The following COPS3 variants were observed in gnomAD, a reference collection of about 807,000 sequenced individuals.
COPS3 encodes COP9 signalosome complex subunit 3.
Under a neutral mutation model 58.2 loss-of-function variants are expected in COPS3, and 10 were observed. That is an observed-to-expected ratio of 0.17 (90% CI 0.11 to 0.29). The LOEUF is 0.29. Among genes scored for constraint, COPS3 ranks in the 10% least tolerant of loss-of-function variants. The pLI, the probability that COPS3 is intolerant of heterozygous loss-of-function variation, is 1.00. For missense variants in COPS3, 333 were observed against 510.1 expected (o/e 0.65, Z 3.34); for synonymous variants, 187 against 181.7 (o/e 1.03, Z -0.24).
At chr17:17,280,465 C>T (rs1193624643) in intron 1 of COPS3, 8 of 899,472 alleles carry the variant, frequency 8.9e-6, no homozygotes, top group Middle Eastern at 5.2e-4. Flanking sequence ...GAGGCTGAGA[C>T]AGGAGAATCG....
intron 1 of COPS3, 55 bp from the exon 2 acceptor site, chr17:17,276,219 TG>T (rs2048458535): frequency 6.2e-7 from 1 of 1,603,204 alleles, no homozygotes; most frequent in African/African-American, 1.3e-5. Flanking sequence ...ACCAAACTGA[TG>T]GAACTCTAAC....
At chr17:17,259,730 C>CA (rs2048051645) in intron 8 of COPS3, among the ~76,000 whole-genome samples, 1 of 151,914 alleles carries the variant, frequency 6.6e-6, no homozygotes. Context: ...CTTGTCTATA[C>CA]AAAAAATACA....
chr17:17,253,964 C>G (rs2047905003), intron 9 of COPS3, among the ~76,000 whole-genome samples: 1 of 151,962 alleles, frequency 6.6e-6, no homozygotes, highest in South Asian at 2.1e-4. Context: ...GCACTCCAGC[C>G]TGGGCAACAA....
chr17:17,268,372 T>C (rs2048273196), intron 4 of COPS3, among the ~76,000 whole-genome samples: 1 of 152,178 alleles, frequency 6.6e-6, no homozygotes, highest in Non-Finnish European at 1.5e-5. Flanking sequence ...GGTGTTGGCA[T>C]TTTCCCATAG....
chr17:17,280,574 G>A, intron 1 of COPS3: 1 of 1,286,226 alleles, frequency 7.8e-7, no homozygotes, highest in Non-Finnish European at 1.0e-6. Flanking sequence ...GGAGTCCTAC[G>A]AGCGAGAGCT....
intron 9 of COPS3, among the ~76,000 whole-genome samples, chr17:17,250,984 TCTAA>T (rs1314784576): frequency 2.6e-4 from 39 of 152,120 alleles, no homozygotes; most frequent in African/African-American, 9.2e-4. Flanking sequence ...AACCCCAATG[TCTAA>T]CTATTTATTT....
At chr17:17,263,534 A>G (rs1482868631) in intron 6 of COPS3, among the ~76,000 whole-genome samples, 2 of 81,988 alleles carry the variant, frequency 2.4e-5, no homozygotes, top group East Asian at 8.8e-4. Flanking sequence ...TTTTTTTGAG[A>G]TGGAGTTTTG....
chr17:17,253,053 C>A (rs1265871677), intron 9 of COPS3, among the ~76,000 whole-genome samples: 1 of 152,092 alleles, frequency 6.6e-6, no homozygotes, highest in African/African-American at 2.4e-5. Context: ...TAAAGAGACC[C>A]TGCCTGTACA....
At chr17:17,276,379 C>A (rs374209178) in intron 1 of COPS3, among the ~76,000 whole-genome samples, 3 of 152,306 alleles carry the variant, frequency 2.0e-5, no homozygotes, top group East Asian at 3.9e-4. Context: ...TCCCACTTCT[C>A]TCTGACCCTG....
At chr17:17,262,629 C>T (rs998861346) in intron 6 of COPS3, among the ~76,000 whole-genome samples, 15 of 151,876 alleles carry the variant, frequency 9.9e-5, no homozygotes, top group Non-Finnish European at 1.5e-4. Context: ...ACTTGGGAGG[C>T]TGAGGCAGGA....
At chr17:17,255,839 AAAATAAATAAATAAATAAAT>A (rs144619560) in intron 8 of COPS3, among the ~76,000 whole-genome samples, 21 of 127,428 alleles carry the variant, frequency 1.6e-4, no homozygotes, top group African/African-American at 6.3e-4. Flanking sequence ...ACTCCATCTC[AAAATAAATAAATAAATAAAT>A]AAATAAATAA....
At chr17:17,262,329 T>G (rs916225669) in intron 6 of COPS3, among the ~76,000 whole-genome samples, 13 of 152,216 alleles carry the variant, frequency 8.5e-5, no homozygotes, top group Non-Finnish European at 1.9e-4. Flanking sequence ...GATGTAATTA[T>G]GGCTCACTGT....
At chr17:17,270,156 CCA>C (rs1491459128) in intron 4 of COPS3, among the ~76,000 whole-genome samples, 2 of 146,598 alleles carry the variant, frequency 1.4e-5, no homozygotes, top group Non-Finnish European at 3.0e-5. Context: ...GACTCTGTCT[CCA>C]AAAAAAAAAA....
At chr17:17,270,326 A>G (rs1349643249) in intron 4 of COPS3, among the ~76,000 whole-genome samples, 1 of 150,200 alleles carries the variant, frequency 6.7e-6, no homozygotes, top group Non-Finnish European at 1.5e-5. Context: ...AGAGGAAGAG[A>G]AAAAAAAAAG....
Position 17,248,991 on chromosome 17 carries a change from C to T in COPS3, c.1072G>A (p.Val358Ile). The stretch of plus-strand genomic sequence containing the variant: ...TTTTCAGGGTTATCATGGAAACTGA[C>T]CATACCGTCCTTCTGGTTAATACTT... ...FASINQKDGM[V>I]SFHDNPEKYN... is the part of the protein sequence containing the mutation. Residue 358 changes from valine (V) to isoleucine (I), a missense_variant, in exon 10 of 12, where the codon GTC becomes ATC. Physicochemically the swap from Val to Ile is conservative, Grantham distance 29. Transcript: ENST00000268717. 1.2e-6 allele frequency: 2 copies of T among 1,610,694 alleles called. No individual in the cohort carries two copies. The highest frequency in any genetic ancestry group is 1.7e-6 in the Non-Finnish European group (2 of 1,178,952).
intron 2 of COPS3, among the ~76,000 whole-genome samples, chr17:17,271,842 A>ATATCTATATC (rs1555620662): frequency 7.1e-6 from 1 of 140,456 alleles, no homozygotes; most frequent in African/African-American, 2.7e-5. Flanking sequence ...ATATATATCT[A>ATATCTATATC]TATATATATA....
chr17:17,253,956 A>G (rs1738617549), intron 9 of COPS3, among the ~76,000 whole-genome samples: 1 of 152,026 alleles, frequency 6.6e-6, no homozygotes, highest in South Asian at 2.1e-4. Flanking sequence ...ACACCACTGC[A>G]CTCCAGCCTG....
intron 1 of COPS3, among the ~76,000 whole-genome samples, chr17:17,277,779 G>A (rs1275017059): frequency 6.6e-6 from 1 of 152,152 alleles, no homozygotes; most frequent in East Asian, 1.9e-4. Flanking sequence ...GCCTCAGCCG[G>A]GTGCTGTGGC....
At chr17:17,272,768 G>A (rs1212810153) in intron 2 of COPS3, among the ~76,000 whole-genome samples, 2 of 152,144 alleles carry the variant, frequency 1.3e-5, no homozygotes, top group Non-Finnish European at 2.9e-5. Flanking sequence ...TGGGTGTAGT[G>A]GTACATGCCT....
Sources: allele counts gnomAD v4.1 joint callset (sites outside exome capture counted in the v4.1 genomes callset), GRCh38; gene constraint gnomAD v4.1.1; transcripts MANE v1.5; gene names NCBI Gene and HGNC (gene_info 2026-07-23, HGNC 2026-07-21).